The following RAB28 variants were observed in gnomAD, a reference collection of about 807,000 sequenced individuals.
RAB28 encodes the protein RAB28, member RAS oncogene family.
Under a neutral mutation model 31.7 loss-of-function variants are expected in RAB28, and 24 were observed. The observed-to-expected ratio is 0.76, with a 90% confidence interval of 0.55 to 1.06. The LOEUF is 1.06. RAB28 is among the 50% of genes least tolerant of loss of function. The probability of loss-of-function intolerance (pLI) is 0.00; values close to 1 mark genes in which losing one functional copy is unlikely to be tolerated. For synonymous variants in RAB28, 100 were observed against 90.4 expected, an observed-to-expected ratio of 1.11 and a Z score of -0.60; for missense variants, 254 against 258.5, an observed-to-expected ratio of 0.98 and a Z score of 0.12.
chr4:13,428,050 G>T (rs969073395), intron 4 of RAB28, among the ~76,000 whole-genome samples: 1 of 152,078 alleles, frequency 6.6e-6, no homozygotes, highest in African/African-American at 2.4e-5. Context: ...CATAACTGGG[G>T]GCTGCATGCA....
intron 4 of RAB28, among the ~76,000 whole-genome samples, chr4:13,399,560 T>C (rs918123417): frequency 6.6e-6 from 1 of 152,210 alleles, no homozygotes; most frequent in Admixed American, 6.5e-5. Context: ...TAGTAGTGAC[T>C]ATGAGTTCCT....
At chr4:13,434,274 C>T (rs1196803675) in intron 4 of RAB28, among the ~76,000 whole-genome samples, 2 of 151,690 alleles carry the variant, frequency 1.3e-5, no homozygotes, top group African/African-American at 2.4e-5. Context: ...ATGCAATATG[C>T]CCATTTAAGA....
At chr4:13,473,353 A>G (rs552879987) in intron 3 of RAB28, among the ~76,000 whole-genome samples, 7 of 152,064 alleles carry the variant, frequency 4.6e-5, no homozygotes, top group African/African-American at 1.4e-4. Context: ...ATGATGTAGA[A>G]GATACACACT....
chr4:13,483,110 G>A (rs571368984), intron 1 of RAB28, among the ~76,000 whole-genome samples: 51 of 152,274 alleles, frequency 3.3e-4, no homozygotes, highest in African/African-American at 1.2e-3. Context: ...GAAGGCATCC[G>A]GGTAGAGGCT....
At chr4:13,463,057 A>G (rs1715679727) in intron 3 of RAB28, among the ~76,000 whole-genome samples, 1 of 152,326 alleles carries the variant, frequency 6.6e-6, no homozygotes, top group East Asian at 1.9e-4. Context: ...ATAAAGTGAA[A>G]TAACAAAAGT....
chr4:13,460,474 C>A (rs1715536423), intron 4 of RAB28, among the ~76,000 whole-genome samples: 1 of 152,166 alleles, frequency 6.6e-6, no homozygotes, highest in Non-Finnish European at 1.5e-5. Flanking sequence ...CCTTGGCCTC[C>A]CAAAGTGCTG....
chr4:13,401,935 T>C (rs768092957), intron 4 of RAB28, among the ~76,000 whole-genome samples: 2 of 152,256 alleles, frequency 1.3e-5, no homozygotes, highest in Non-Finnish European at 2.9e-5. Context: ...AAACACTGCA[T>C]TGGCAGCATG....
At position 13,471,364 on chromosome 4, in the gene RAB28, G is replaced by C. The variant is rs560495851; in HGVS notation, c.261+2954C>G. Among the ~76,000 whole-genome samples the C allele has an allele frequency of 4.9e-4, 75 of 152,074 alleles. 1 individual carries two copies. Among genetic ancestry groups the C allele is most frequent in the Non-Finnish European group, 9.1e-4 (62 of 67,982 alleles). On this transcript the variant is annotated intron_variant, in intron 3 of 6. Transcript: ENST00000330852. The stretch of plus-strand genomic sequence containing the variant: ...TCCAATTTATAGTAGTAAATAATGA[G>C]TCACAGCTTCTCTAGCCTGGATATA...
Position 13,484,233 on chromosome 4 carries a change from G to A in RAB28, c.-83C>T, listed in dbSNP as rs1424342399. On this transcript the variant is annotated 5_prime_UTR_variant, in exon 1 of 7. Transcript: ENST00000330852. ...CTCCGGGGGCGGGGGAGAGGAGGAA[G>A]GGAGGTAGTTGCGGCAGGACCCCCG... is the stretch of plus-strand genomic sequence containing the variant. The A allele has an allele frequency of 9.7e-6, 11 of 1,138,468 alleles. No homozygotes were observed. The highest frequency in any genetic ancestry group is 1.4e-5 in the Non-Finnish European group (11 of 773,958). 70.5% of individuals were successfully genotyped at this position (1,138,468 alleles called of 1,614,324 possible).
chr4:13,468,915 A>T (rs1163325424), intron 3 of RAB28, among the ~76,000 whole-genome samples: 1 of 152,030 alleles, frequency 6.6e-6, no homozygotes, highest in Non-Finnish European at 1.5e-5. Flanking sequence ...CATAGACATT[A>T]AAAAGATAAT....
intron 1 of RAB28, among the ~76,000 whole-genome samples, chr4:13,480,530 A>T (rs1169349208): frequency 6.6e-6 from 1 of 151,876 alleles, no homozygotes; most frequent in East Asian, 1.9e-4. Context: ...AGCTTATTAC[A>T]GTTCCTTATG....
intron 4 of RAB28, among the ~76,000 whole-genome samples, chr4:13,455,285 G>C (rs1051680179): frequency 6.6e-6 from 1 of 152,198 alleles, no homozygotes; most frequent in Admixed American, 6.5e-5. Context: ...GTGGTTCAAG[G>C]ATCTCTCCTG....
At chr4:13,478,783 CTT>C (rs1716478588) in intron 2 of RAB28, among the ~76,000 whole-genome samples, 2 of 151,682 alleles carry the variant, frequency 1.3e-5, no homozygotes, top group South Asian at 4.1e-4. Context: ...ATAAACCACT[CTT>C]TCTTTGTTAT....
At chr4:13,433,820 A>G (rs1713949645) in intron 4 of RAB28, among the ~76,000 whole-genome samples, 2 of 152,148 alleles carry the variant, frequency 1.3e-5, no homozygotes, top group African/African-American at 4.8e-5. Flanking sequence ...ATATAACTAC[A>G]GGAAAATAAA....
intron 3 of RAB28, among the ~76,000 whole-genome samples, chr4:13,463,580 T>G (rs1715702769): frequency 6.6e-6 from 1 of 152,080 alleles, no homozygotes. Context: ...TCAGGAAAAA[T>G]CTGCCAATCT....
intron 4 of RAB28, among the ~76,000 whole-genome samples, chr4:13,446,701 G>A (rs890907803): frequency 1.3e-5 from 2 of 152,046 alleles, no homozygotes; most frequent in Admixed American, 6.5e-5. Flanking sequence ...CAGTCCCAAT[G>A]AGATGAACTG....
At chr4:13,407,265 T>A (rs751311767) in intron 4 of RAB28, among the ~76,000 whole-genome samples, 5 of 152,152 alleles carry the variant, frequency 3.3e-5, no homozygotes, top group Admixed American at 1.3e-4. Flanking sequence ...AAACAGAGAA[T>A]CCTTTCCCCA....
Position 13,484,293 on chromosome 4 carries a change from G to C in RAB28, c.-143C>G, listed in dbSNP as rs1176694763. On this transcript the variant is annotated 5_prime_UTR_variant, in exon 1 of 7. Transcript: ENST00000330852. ...CTCCGCGCCGGCAGGAGGTATTCGA[G>C]GAGAATCACTCGGCAAGCGCCATCT... is the stretch of plus-strand genomic sequence containing the variant. The C allele has an allele frequency of 1.1e-5, 7 of 659,728 alleles. No homozygotes were observed. The highest frequency in any genetic ancestry group is 3.4e-5 in the South Asian group (2 of 59,126). 40.9% of individuals were successfully genotyped at this position (659,728 alleles called of 1,614,324 possible). A position where few individuals can be genotyped will look rare whatever the true frequency, so the allele number is the denominator to read the frequency against.
At chr4:13,400,969 T>C (rs901205691) in intron 4 of RAB28, among the ~76,000 whole-genome samples, 1 of 152,180 alleles carries the variant, frequency 6.6e-6, no homozygotes, top group Non-Finnish European at 1.5e-5. Context: ...TTTGTTAATA[T>C]TTTGTCAAAG....
Sources: gnomAD v4.1 joint callset for allele counts (sites outside exome capture counted in the v4.1 genomes callset) on GRCh38, gnomAD v4.1.1 for gene constraint, MANE v1.5 for transcripts, NCBI Gene and HGNC (gene_info 2026-07-23, HGNC 2026-07-21) for gene names.